Variants in ZNF704 observed in about 807,000 individuals in gnomAD.
The protein encoded by ZNF704 is glucocorticoid induced gene 1.
ZNF704 carries 10 observed loss-of-function variants against 44.7 expected under a neutral mutation model. That is an observed-to-expected ratio of 0.22 (90% CI 0.14 to 0.38). ZNF704 has a LOEUF of 0.38. Ranked by LOEUF, ZNF704 falls within the 10% of genes least tolerant of loss-of-function variation. ZNF704 has a pLI of 1.00. For synonymous variants in ZNF704, 211 were observed against 207.6 expected (o/e 1.02, Z -0.14); for missense variants, 390 against 545.5 (o/e 0.71, Z 2.84).
the ZNF704 span, among the ~76,000 whole-genome samples, chr8:80,884,099 T>C: frequency 2.0e-5 from 3 of 152,320 alleles, no homozygotes; most frequent in Non-Finnish European, 2.9e-5. Flanking sequence ...CCTGTTAATA[T>C]GAAAAAATTG....
At chr8:80,691,920 C>T (rs1818643435) in intron 3 of ZNF704, among the ~76,000 whole-genome samples, 1 of 152,194 alleles carries the variant, frequency 6.6e-6, no homozygotes, top group African/African-American at 2.4e-5. Flanking sequence ...CCTTGACACA[C>T]CCTCCTGCTC....
chr8:80,790,531 A>C (rs1807686289), intron 2 of ZNF704, among the ~76,000 whole-genome samples: 1 of 152,230 alleles, frequency 6.6e-6, no homozygotes, highest in African/African-American at 2.4e-5. Context: ...GACTTTTTTA[A>C]AAAACAATGA....
intron 2 of ZNF704, among the ~76,000 whole-genome samples, chr8:80,788,301 T>C (rs1807647925): frequency 6.6e-6 from 1 of 152,190 alleles, no homozygotes; most frequent in Admixed American, 6.6e-5. Flanking sequence ...GCAGAACTTT[T>C]AACAACAAAT....
At chr8:80,703,543 T>G (rs906725207) in intron 2 of ZNF704, among the ~76,000 whole-genome samples, 1 of 152,196 alleles carries the variant, frequency 6.6e-6, no homozygotes, top group South Asian at 2.1e-4. Context: ...GGTGTGAACA[T>G]GGCTCACTGT....
At chr8:80,867,286 A>G (rs1328087615) in intron 1 of ZNF704, among the ~76,000 whole-genome samples, 2 of 152,210 alleles carry the variant, frequency 1.3e-5, no homozygotes, top group African/African-American at 4.8e-5. Flanking sequence ...GAGGTACTTT[A>G]CAAAAGACAA....
intron 2 of ZNF704, among the ~76,000 whole-genome samples, chr8:80,820,022 G>A (rs1012855911): frequency 3.3e-5 from 5 of 152,126 alleles, no homozygotes; most frequent in Admixed American, 3.3e-4. Flanking sequence ...ACAAATGCAG[G>A]ACTTCTCAAA....
intron 2 of ZNF704, among the ~76,000 whole-genome samples, chr8:80,784,908 A>G (rs1326227398): frequency 1.3e-5 from 2 of 152,194 alleles, no homozygotes; most frequent in Non-Finnish European, 2.9e-5. Flanking sequence ...AGAAAAACTG[A>G]GACGATAGTG....
At chr8:80,718,600 G>A (rs1819111612) in intron 2 of ZNF704, among the ~76,000 whole-genome samples, 1 of 152,056 alleles carries the variant, frequency 6.6e-6, no homozygotes, top group Non-Finnish European at 1.5e-5. Context: ...AACACGCCTG[G>A]GCTGGCTTGC....
At chr8:80,696,537 C>T (rs1563522331) in intron 2 of ZNF704, among the ~76,000 whole-genome samples, 1 of 152,150 alleles carries the variant, frequency 6.6e-6, no homozygotes. Context: ...TCTGCTTCAG[C>T]CTCCCGAGTA....
chr8:80,785,331 GT>G (rs1412546646), intron 2 of ZNF704, among the ~76,000 whole-genome samples: 5 of 152,164 alleles, frequency 3.3e-5, no homozygotes, highest in African/African-American at 9.7e-5. Flanking sequence ...GGGTAAAGTA[GT>G]ATTTGTTAGG....
chr8:80,769,399 A>C (rs1289878320), intron 2 of ZNF704, among the ~76,000 whole-genome samples: 1 of 152,230 alleles, frequency 6.6e-6, no homozygotes. Context: ...TAAAAGACTA[A>C]AGACATACCT....
intron 3 of ZNF704, among the ~76,000 whole-genome samples, chr8:80,688,891 G>A (rs377515390): frequency 9.9e-5 from 15 of 151,032 alleles, no homozygotes; most frequent in East Asian, 7.8e-4. Context: ...CTTGGGAGGC[G>A]GAGGTTGCAG....
At chr8:80,847,572 G>C (rs1455929349) in intron 1 of ZNF704, among the ~76,000 whole-genome samples, 1 of 152,096 alleles carries the variant, frequency 6.6e-6, no homozygotes, top group Non-Finnish European at 1.5e-5. Context: ...CTAAGTTATG[G>C]CTTATTATAC....
chr8:80,710,569 G>T (rs544287013), intron 2 of ZNF704, among the ~76,000 whole-genome samples: 1 of 152,228 alleles, frequency 6.6e-6, no homozygotes, highest in South Asian at 2.1e-4. Context: ...TCTTTGGGAG[G>T]TAGTTAGGTT....
intron 1 of ZNF704, among the ~76,000 whole-genome samples, chr8:80,848,018 C>G (rs535947545): frequency 6.6e-6 from 1 of 152,262 alleles, no homozygotes; most frequent in Admixed American, 6.5e-5. Flanking sequence ...ATCCCCAACC[C>G]ACATGTCCTT....
chr8:80,718,765 G>T (rs75409336), intron 2 of ZNF704, among the ~76,000 whole-genome samples: 10,477 of 152,080 alleles, frequency 0.069, 1,186 homozygotes, highest in African/African-American at 0.24. Context: ...CCATTAAGTC[G>T]GGGGTGGCTT....
At position 80,634,798 on chromosome 8, in the gene ZNF704, T is replaced by C. The variant is rs1241724741; in HGVS notation, c.*6568A>G. ...AGGCACTGACATTTGCAACCTCTCCTATATAGAATTAGGAATCTTTTGGAA... is the reference window on the plus strand; with the variant it reads ...AGGCACTGACATTTGCAACCTCTCCCATATAGAATTAGGAATCTTTTGGAA... On this transcript the variant is annotated 3_prime_UTR_variant, in exon 9 of 9. Coordinates refer to ENST00000327835, the MANE Select transcript of ZNF704 (RefSeq NM_001033723.3). 6.6e-6 allele frequency: 1 copy of C among 152,208 alleles called. No individual in the cohort carries two copies. The highest frequency in any genetic ancestry group is 1.5e-5 in the Non-Finnish European group (1 of 68,052). 9.4% of individuals were successfully genotyped at this position (152,208 alleles called of 1,614,324 possible). A position where few individuals can be genotyped will look rare whatever the true frequency, so the allele number is the denominator to read the frequency against.
At chr8:80,741,467 G>A (rs554417131) in intron 2 of ZNF704, among the ~76,000 whole-genome samples, 3 of 152,304 alleles carry the variant, frequency 2.0e-5, no homozygotes, top group African/African-American at 4.8e-5. Context: ...TACAGGTAGT[G>A]GCAGCAGTAG....
chr8:80,824,595 G>C (rs1453013517), intron 1 of ZNF704, among the ~76,000 whole-genome samples: 1 of 152,168 alleles, frequency 6.6e-6, no homozygotes, highest in Non-Finnish European at 1.5e-5. Context: ...TACTCCTTGA[G>C]AAGAGCAACT....
Sources: gnomAD v4.1 joint callset for allele counts (sites outside exome capture counted in the v4.1 genomes callset) on GRCh38, gnomAD v4.1.1 for gene constraint, MANE v1.5 for transcripts, NCBI Gene and HGNC (gene_info 2026-07-23, HGNC 2026-07-21) for gene names.